The following C1orf94 variants were observed in gnomAD, a reference collection of about 807,000 sequenced individuals.
C1orf94 encodes uncharacterized protein C1orf94.
In C1orf94, 45 loss-of-function variants were observed where a neutral mutation model predicts 53.6. That is an observed-to-expected ratio of 0.84 (90% CI 0.66 to 1.08). The LOEUF (loss-of-function observed/expected upper bound fraction) is 1.08. Among genes scored for constraint, C1orf94 ranks in the 50% least tolerant of loss-of-function variants. The probability of loss-of-function intolerance (pLI) is 0.00; values close to 1 mark genes in which losing one functional copy is unlikely to be tolerated. For missense variants in C1orf94, 762 were observed against 738.9 expected, an observed-to-expected ratio of 1.03 and a Z score of -0.36; for synonymous variants, 304 against 296.1, an observed-to-expected ratio of 1.03 and a Z score of -0.27.
Position 34,197,681 on chromosome 1 carries a change from G to T in C1orf94, c.777G>T (p.Val259=). 6.2e-7 allele frequency: 1 copy of T among 1,614,154 alleles called. No individual in the cohort carries two copies. Among genetic ancestry groups the T allele is most frequent in the Non-Finnish European group, 8.5e-7 (1 of 1,180,032 alleles). The change falls in exon 2 of 7, where the codon GTG becomes GTT. Residue 259 remains valine, a synonymous_variant. Coordinates refer to ENST00000488417, the MANE Select transcript of C1orf94 (RefSeq NM_001134734.2). This position sits in a 1 kb window ranked among gnomAD's most constrained non-coding sequence, Gnocchi z 4.1. ...CCAAGGTCCCTGACAACAAGAATGT[G>T]CTGGACAAGACAAGGGTCACCAAGG... The part of the protein sequence containing the change: ...ETSKVPDNKN[V]LDKTRVTKDF...
chr1:34,214,167 G>A (rs546727787), intron 6 of C1orf94, among the ~76,000 whole-genome samples: 33 of 152,196 alleles, frequency 2.2e-4, no homozygotes, highest in Non-Finnish European at 4.3e-4. Flanking sequence ...TCCCTGCAGC[G>A]GGGGAGGTTC....
chr1:34,176,022 C>T (rs1392585232), upstream of C1orf94, among the ~76,000 whole-genome samples: 1 of 152,110 alleles, frequency 6.6e-6, no homozygotes, highest in African/African-American at 2.4e-5. Flanking sequence ...TTGCATCGAT[C>T]TCTCCTCGCT....
rs1403422482 is a variant in C1orf94 at position 34,197,270 on chromosome 1, G to A, written c.366G>A (p.Val122=). 2 of 1,549,534 alleles carry A rather than the reference G, an allele frequency of 1.3e-6. No individual in the cohort carries two copies. Among genetic ancestry groups the A allele is most frequent in the Non-Finnish European group, 1.7e-6 (2 of 1,145,648 alleles). ...GCAAAGATGAGATCTCCTTGTTGGT[G>A]GAACAGGAGTTCCTAAGCCTCACCA... ...SSGKDEISLL[V]EQEFLSLTKE... is the part of the protein sequence containing the mutation. Residue 122 remains valine (V), a synonymous_variant, in exon 2 of 7, where the codon GTG becomes GTA. Coordinates refer to ENST00000488417, the MANE Select transcript of C1orf94 (RefSeq NM_001134734.2). This position sits in a 1 kb window ranked among gnomAD's most constrained non-coding sequence, Gnocchi z 4.1.
In C1orf94 at chr1:34,197,556, A is replaced by T. The variant is rs777605972; in HGVS notation, c.652A>T (p.Ser218Cys). 1 of 1,614,126 alleles carries T rather than the reference A, an allele frequency of 6.2e-7. No homozygotes were observed. The highest frequency in any genetic ancestry group is 1.1e-5 in the South Asian group (1 of 91,082). Residue 218 changes from serine to cysteine, a missense_variant, in exon 2 of 7, where the codon AGC becomes TGC. Coordinates refer to ENST00000488417, the MANE Select transcript of C1orf94 (RefSeq NM_001134734.2). The surrounding 1 kb of genome is among the most constrained non-coding windows in gnomAD (Gnocchi z 4.1). ...TDILCAAEVKSSKGTEDRGRI... is the reference protein window; with the variant it reads ...TDILCAAEVKCSKGTEDRGRI... ...CATTCTGTGTGCCGCCGAGGTCAAGAGCAGCAAGGGGACAGAGGACAGGGG... is the reference window on the plus strand; with the variant it reads ...CATTCTGTGTGCCGCCGAGGTCAAGTGCAGCAAGGGGACAGAGGACAGGGG...
chr1:34,189,657 G>T (rs560401109), intron 1 of C1orf94, among the ~76,000 whole-genome samples: 42 of 152,306 alleles, frequency 2.8e-4, no homozygotes, highest in African/African-American at 9.9e-4. Flanking sequence ...TAGGTTGGAC[G>T]CCAGAGCCAC....
chr1:34,199,379 G>A (rs983560485), intron 2 of C1orf94, among the ~76,000 whole-genome samples: 9 of 152,164 alleles, frequency 5.9e-5, no homozygotes, highest in African/African-American at 1.9e-4. Flanking sequence ...GCAACCGGAG[G>A]AACTCCTGGA....
intron 1 of C1orf94, among the ~76,000 whole-genome samples, chr1:34,194,438 A>T (rs537579278): frequency 1.2e-4 from 19 of 152,264 alleles, no homozygotes; most frequent in African/African-American, 3.6e-4. Context: ...AGAAGGGACC[A>T]TCATGGGGTG....
chr1:34,179,668 G>A (rs929799904), intron 1 of C1orf94, among the ~76,000 whole-genome samples: 2 of 152,224 alleles, frequency 1.3e-5, no homozygotes, highest in Admixed American at 6.5e-5. Context: ...ATGGGAGACA[G>A]GGAAATGAAA....
At chr1:34,212,046 C>T (rs1414565236) in intron 5 of C1orf94, among the ~76,000 whole-genome samples, 164 bp from the exon 6 acceptor site, 1 of 152,054 alleles carries the variant, frequency 6.6e-6, no homozygotes, top group East Asian at 1.9e-4. Flanking sequence ...TTGCCAGGCT[C>T]ACTACATAAG....
intron 1 of C1orf94, among the ~76,000 whole-genome samples, chr1:34,180,036 T>C (rs1642291531): frequency 6.6e-6 from 1 of 152,226 alleles, no homozygotes; most frequent in Non-Finnish European, 1.5e-5. Context: ...ATTCTTAAAA[T>C]AAAGGCGGTG....
In C1orf94 at chr1:34,177,858, G is replaced by C; in HGVS notation, c.69G>C (p.Arg23Ser). Reference sequence around the variant, plus strand: ...GGGGCTTCCAGAAAGAGAGGAGGAGGATGGCCAGCGGGAATGGGCTTCCTT... The same window carrying C: ...GGGGCTTCCAGAAAGAGAGGAGGAGCATGGCCAGCGGGAATGGGCTTCCTT... The part of the protein sequence containing the change: ...GQRGFQKERR[R>S]MASGNGLPSS... Residue 23 changes from arginine (R) to serine (S), a missense_variant, in exon 1 of 7, where the codon AGG becomes AGC. Transcript: ENST00000488417. 6.4e-7 allele frequency: 1 copy of C among 1,551,200 alleles called. No homozygotes were observed. The highest frequency in any genetic ancestry group is 1.2e-5 in the South Asian group (1 of 84,056).
rs561344618 is a variant in C1orf94 at position 34,189,021 on chromosome 1, G to A, written c.321-8204G>A. ...CTGGTTTTCCAAGCAGGAAGGCTAC[G>A]GTGGTTTGTGTGTTTGTGTGTGTAT... On this transcript the variant is annotated intron_variant, in intron 1 of 6. Transcript: ENST00000488417. 7.2e-5 allele frequency among the ~76,000 whole-genome samples: 11 copies of A among 152,190 alleles called. No individual in the cohort carries two copies. In the East Asian group the frequency reaches 1.7e-3, roughly 24 times the overall value.
Position 34,177,870 on chromosome 1 carries a change from G to A in C1orf94, c.81G>A (p.Gly27=), listed in dbSNP as rs892084382. ...FQKERRRMAS[G]NGLPSSSALV... is the part of the protein sequence containing the mutation. ...AAGAGAGGAGGAGGATGGCCAGCGG[G>A]AATGGGCTTCCTTCATCCTCGGCCC... The change falls in exon 1 of 7, where the codon GGG becomes GGA. Residue 27 remains glycine (G), a synonymous_variant. Coordinates refer to ENST00000488417, the MANE Select transcript of C1orf94 (RefSeq NM_001134734.2). The A allele has an allele frequency of 5.2e-6, 8 of 1,551,384 alleles. No individual in the cohort carries two copies. The African/African-American group carries it at 9.6e-5, about 19-fold the overall frequency.
chr1:34,175,199 T>A (rs1428201995), upstream of C1orf94, among the ~76,000 whole-genome samples: 1 of 151,432 alleles, frequency 6.6e-6, no homozygotes, highest in Non-Finnish European at 1.5e-5. Context: ...GATTTTTTTT[T>A]TTTTTTTTTT....
chr1:34,199,871 C>T (rs1199889283), intron 2 of C1orf94, among the ~76,000 whole-genome samples: 1 of 152,234 alleles, frequency 6.6e-6, no homozygotes, highest in Non-Finnish European at 1.5e-5. Context: ...CCTGCCATGC[C>T]TTCCTCCCCA....
At chr1:34,186,404 T>C (rs1484676151) in intron 1 of C1orf94, among the ~76,000 whole-genome samples, 2 of 152,208 alleles carry the variant, frequency 1.3e-5, no homozygotes, top group Non-Finnish European at 2.9e-5. Flanking sequence ...CCATCATCAT[T>C]GTCATTATCA....
At chr1:34,170,336 G>C (rs574988850) in intron 1 of C1orf94, among the ~76,000 whole-genome samples, 5 of 152,262 alleles carry the variant, frequency 3.3e-5, no homozygotes, top group African/African-American at 1.2e-4. Context: ...AAACAGCAAA[G>C]CATGATTGAT....
At chr1:34,218,427 G>A (rs1643024272) in intron 6 of C1orf94, among the ~76,000 whole-genome samples, 1 of 152,076 alleles carries the variant, frequency 6.6e-6, no homozygotes, top group Non-Finnish European at 1.5e-5. Context: ...AGGCTCCATT[G>A]AAACAATCTT....
intron 4 of C1orf94, among the ~76,000 whole-genome samples, chr1:34,205,743 CCT>C (rs1364190946): frequency 6.6e-6 from 1 of 152,046 alleles, no homozygotes; most frequent in African/African-American, 2.4e-5. Context: ...TGGTCTTTTC[CCT>C]GTTTAGCACT....
Sources: gnomAD v4.1 joint callset for allele counts (sites outside exome capture counted in the v4.1 genomes callset) on GRCh38, gnomAD v4.1.1 for gene constraint, Gnocchi (gnomAD v3.1) non-coding constraint, MANE v1.5 for transcripts, NCBI Gene and HGNC (gene_info 2026-07-23, HGNC 2026-07-21) for gene names.